PSD3: variants seen among roughly 807,000 people sequenced by gnomAD.
PSD3 encodes PH and SEC7 domain-containing protein 3.
Under a neutral mutation model 105.5 loss-of-function variants are expected in PSD3, and 49 were observed. That is an observed-to-expected ratio of 0.46 (90% CI 0.37 to 0.59). The LOEUF (loss-of-function observed/expected upper bound fraction) is 0.59. Among genes scored for constraint, PSD3 ranks in the 20% least tolerant of loss-of-function variants. PSD3 has a pLI of 0.00. For missense variants in PSD3, 1,561 were observed against 1,263.8 expected (o/e 1.24, Z -3.57); for synonymous variants, 557 against 457.8 (o/e 1.22, Z -2.77).
chr8:18,641,210 T>G (rs1349838574), intron 10 of PSD3, among the ~76,000 whole-genome samples: 1 of 152,148 alleles, frequency 6.6e-6, no homozygotes, highest in Admixed American at 6.5e-5. Context: ...GTAATTTAAT[T>G]TCCTCACCTT....
chr8:18,755,469 T>TAACATAACATAAC (rs1195592330), intron 9 of PSD3, among the ~76,000 whole-genome samples: 10 of 151,732 alleles, frequency 6.6e-5, no homozygotes, highest in African/African-American at 2.4e-4. Context: ...TAACATAACA[T>TAACATAACATAAC]AACATAACAT....
intron 1 of PSD3, among the ~76,000 whole-genome samples, chr8:18,948,193 G>A (rs530454483): frequency 6.6e-6 from 1 of 152,182 alleles, no homozygotes; most frequent in South Asian, 2.1e-4. Flanking sequence ...TCAGGTTCTG[G>A]ACCTGTGTGC....
intron 4 of PSD3, among the ~76,000 whole-genome samples, chr8:18,842,323 G>C (rs191742285): frequency 6.6e-6 from 1 of 152,322 alleles, no homozygotes; most frequent in East Asian, 1.9e-4. Flanking sequence ...TTGCGCTGTA[G>C]AGACTACTTA....
chr8:19,074,338 TC>T (rs558138042), intron 1 of PSD3, among the ~76,000 whole-genome samples: 8 of 152,092 alleles, frequency 5.3e-5, no homozygotes, highest in African/African-American at 1.9e-4. Context: ...AGGGAAATCT[TC>T]CAGGATGAGG....
At chr8:18,871,555 A>G in intron 3 of PSD3, 71 bp downstream of exon 3, 1 of 1,505,108 alleles carries the variant, frequency 6.6e-7, no homozygotes, top group Non-Finnish European at 8.9e-7. Context: ...TTCTCATATC[A>G]AGTACAGGAT....
rs533434919 is a variant in PSD3, at chr8:19,036,643, T to G, written c.324+47563A>C. On this transcript the variant is annotated intron_variant, in intron 1 of 1. Transcript: ENST00000521475. ...CTCCATCTGGATTGTGGTAGGGTTA[T>G]GTGGCTTGGGTTGGAAATCTTATCC... Among the ~76,000 whole-genome samples, 12 of 152,294 alleles carry G rather than the reference T, an allele frequency of 7.9e-5. 1 individual carries two copies. The South Asian group carries it at 1.9e-3, about 24-fold the overall frequency.
At chr8:18,878,295 C>A (rs1005708006) in intron 2 of PSD3, among the ~76,000 whole-genome samples, 7 of 152,136 alleles carry the variant, frequency 4.6e-5, no homozygotes, top group South Asian at 4.1e-4. Flanking sequence ...TATCCTACAA[C>A]CTTGCTTAAC....
intron 13 of PSD3, among the ~76,000 whole-genome samples, 157 bp from the exon 14 acceptor site, chr8:18,572,829 T>C (rs1344732701): frequency 6.6e-6 from 1 of 152,180 alleles, no homozygotes; most frequent in Non-Finnish European, 1.5e-5. Flanking sequence ...AGATGAACAT[T>C]GTCATTCGAC....
At chr8:18,686,390 A>G (rs1220210709) in intron 9 of PSD3, among the ~76,000 whole-genome samples, 1 of 152,202 alleles carries the variant, frequency 6.6e-6, no homozygotes, top group Non-Finnish European at 1.5e-5. Flanking sequence ...TGTCCCTCAC[A>G]CTATAGCTGT....
intron 2 of PSD3, among the ~76,000 whole-genome samples, chr8:18,912,285 C>G (rs561201364): frequency 6.6e-6 from 1 of 152,284 alleles, no homozygotes; most frequent in East Asian, 1.9e-4. Flanking sequence ...AGTATTAACT[C>G]CGAAACAAAT....
intron 9 of PSD3, among the ~76,000 whole-genome samples, chr8:18,676,123 TAG>T (rs1252071270): frequency 1.3e-5 from 2 of 152,318 alleles, no homozygotes; most frequent in East Asian, 1.9e-4. Flanking sequence ...CATTATTGCA[TAG>T]AGTTTTCTTT....
intron 3 of PSD3, among the ~76,000 whole-genome samples, chr8:18,869,046 T>C (rs1817149038): frequency 1.3e-5 from 2 of 152,164 alleles, no homozygotes; most frequent in Admixed American, 1.3e-4. Context: ...GCAATTGGTT[T>C]GTTGTTTTTA....
At chr8:19,079,471 A>G (rs1251861793) in intron 1 of PSD3, among the ~76,000 whole-genome samples, 2 of 152,222 alleles carry the variant, frequency 1.3e-5, no homozygotes, top group African/African-American at 4.8e-5. Context: ...AGTAGAATTA[A>G]TATAAAGACA....
chr8:19,018,354 C>A (rs1827239797), upstream of PSD3, among the ~76,000 whole-genome samples: 2 of 119,302 alleles, frequency 1.7e-5, no homozygotes, highest in Admixed American at 7.6e-5. Context: ...ATTAAATGCT[C>A]TTTTTAAAAA....
intron 1 of PSD3, among the ~76,000 whole-genome samples, chr8:18,964,658 G>A (rs534065029): frequency 6.6e-6 from 1 of 152,188 alleles, no homozygotes; most frequent in East Asian, 1.9e-4. Context: ...AAAGCTGCTG[G>A]AATGTCCTGA....
At chr8:18,855,597 C>A (rs1815945340) in intron 4 of PSD3, among the ~76,000 whole-genome samples, 1 of 152,228 alleles carries the variant, frequency 6.6e-6, no homozygotes, top group African/African-American at 2.4e-5. Context: ...GCAGCCACCA[C>A]TGCCAGGCAA....
chr8:18,628,788 G>A (rs983877868), intron 11 of PSD3, among the ~76,000 whole-genome samples: 19 of 151,230 alleles, frequency 1.3e-4, no homozygotes, highest in African/African-American at 4.2e-4. Flanking sequence ...TGTAAACCTT[G>A]CAGCAAACAC....
intron 2 of PSD3, among the ~76,000 whole-genome samples, chr8:18,921,266 A>C (rs181340333): frequency 6.6e-6 from 1 of 152,346 alleles, no homozygotes; most frequent in East Asian, 1.9e-4. Context: ...AAATGTATTA[A>C]ATGATTCCAA....
intron 12 of PSD3, among the ~76,000 whole-genome samples, chr8:18,579,705 T>C (rs1286513693): frequency 1.3e-5 from 2 of 152,126 alleles, no homozygotes; most frequent in African/African-American, 4.8e-5. Context: ...TACAAAAAAT[T>C]GGCATCAAGT....
Sources: allele counts gnomAD v4.1 joint callset (sites outside exome capture counted in the v4.1 genomes callset), GRCh38; gene constraint gnomAD v4.1.1; transcripts MANE v1.5; gene names NCBI Gene and HGNC (gene_info 2026-07-23, HGNC 2026-07-21).